The following TMEM114 variants were observed in gnomAD, a reference collection of about 807,000 sequenced individuals.
TMEM114 encodes claudin-26.
A neutral mutation model predicts 6.2 loss-of-function variants in TMEM114; 6 were observed. That is an observed-to-expected ratio of 0.97 (90% CI 0.53 to 1.91). TMEM114 has a LOEUF of 1.91. Among genes scored for constraint, TMEM114 ranks in the 40% most tolerant of loss-of-function variants. The pLI is 0.01. For synonymous variants in TMEM114, 104 were observed against 73.0 expected, an observed-to-expected ratio of 1.42 and a Z score of -2.16; for missense variants, 218 against 158.3, an observed-to-expected ratio of 1.38 and a Z score of -2.02.
At chr16:8,568,404 T>G (rs1428463043), downstream of TMEM114, among the ~76,000 whole-genome samples, 1 of 151,882 alleles carries the variant, frequency 6.6e-6, no homozygotes, top group Non-Finnish European at 1.5e-5. Flanking sequence ...ACAATGCTGA[T>G]GTCATGGTGG....
downstream of TMEM114, among the ~76,000 whole-genome samples, chr16:8,564,874 GGAGGGAGTGAATGAGT>G (rs1901477932): frequency 3.0e-5 from 1 of 33,156 alleles, no homozygotes; most frequent in Non-Finnish European, 5.8e-5. Flanking sequence ...AATGAGGGAG[GGAGGGAGTGAATGAGT>G]GAGTGAGTGA....
intron 2 of TMEM114, among the ~76,000 whole-genome samples, chr16:8,572,828 T>C (rs1331094393): frequency 6.6e-6 from 1 of 152,170 alleles, no homozygotes; most frequent in Non-Finnish European, 1.5e-5. Flanking sequence ...TAGGAAGAAC[T>C]TGGGATTGGG....
Position 8,589,958 on chromosome 16 carries a change from A to C in TMEM114, c.-120T>G, listed in dbSNP as rs1902434520. 4 of 386,818 alleles carry C rather than the reference A, an allele frequency of 1.0e-5. No individual in the cohort carries two copies. In the Admixed American group the frequency reaches 1.3e-4, roughly 13 times the overall value. The allele number at this position is 386,818 out of a possible 1,614,324, so 24.0% of individuals were successfully genotyped here. ...AGCTCCACCGCCGCCAGAGCCGCGG[A>C]GCTCAGATCTGAAAGCCTTTCCTTT... On this transcript the variant is annotated 5_prime_UTR_variant, in exon 1 of 4. Coordinates refer to ENST00000620492, the MANE Select transcript of TMEM114 (RefSeq NM_001146336.2).
At chr16:8,572,486 A>T (rs1008321046) in intron 2 of TMEM114, among the ~76,000 whole-genome samples, 1 of 152,198 alleles carries the variant, frequency 6.6e-6, no homozygotes, top group African/African-American at 2.4e-5. Context: ...CTCAGGCTGA[A>T]GTACAGTGGC....
downstream of TMEM114, among the ~76,000 whole-genome samples, chr16:8,536,452 G>C (rs148484340): frequency 5.8e-3 from 888 of 152,190 alleles, 13 homozygotes; most frequent in African/African-American, 0.019. Flanking sequence ...TTGAGTGAAG[G>C]CTTGTAACCT....
At chr16:8,562,168 ATGAGTGAATGAGTCAGTGAG>A (rs1239114545) in intron 2 of TMEM114, among the ~76,000 whole-genome samples, 16 of 145,570 alleles carry the variant, frequency 1.1e-4, no homozygotes, top group African/African-American at 2.1e-4. Context: ...GAGTTAGTGA[ATGAGTGAATGAGTCAGTGAG>A]TGAGTGAATG....
chr16:8,560,415 G>T (rs1901161542), intron 2 of TMEM114, among the ~76,000 whole-genome samples: 1 of 152,076 alleles, frequency 6.6e-6, no homozygotes, highest in African/African-American at 2.4e-5. Flanking sequence ...ATGAGCCTTG[G>T]AACTTGCCCT....
At chr16:8,564,829 TGGAG>T (rs1901473337), downstream of TMEM114, among the ~76,000 whole-genome samples, 2 of 70,744 alleles carry the variant, frequency 2.8e-5, no homozygotes, top group Non-Finnish European at 6.1e-5. Flanking sequence ...GAGTGAGTGA[TGGAG>T]GGAATGAGTG....
chr16:8,542,671 A>T (rs999926524), intron 2 of TMEM114, among the ~76,000 whole-genome samples: 5 of 152,164 alleles, frequency 3.3e-5, no homozygotes, highest in Non-Finnish European at 5.9e-5. Context: ...GTAAATAAGC[A>T]ACCTAGGTGC....
intron 2 of TMEM114, among the ~76,000 whole-genome samples, chr16:8,541,877 C>T (rs1049494166): frequency 6.6e-6 from 1 of 152,134 alleles, no homozygotes; most frequent in Non-Finnish European, 1.5e-5. Context: ...TCAAAGGGGT[C>T]TGGCTTACAA....
chr16:8,560,140 A>C (rs949960559), intron 2 of TMEM114, among the ~76,000 whole-genome samples: 30 of 151,762 alleles, frequency 2.0e-4, no homozygotes, highest in Non-Finnish European at 2.8e-4. Flanking sequence ...CTACAGGTGC[A>C]CACCACCATA....
At chr16:8,565,883 G>T (rs13334463), downstream of TMEM114, among the ~76,000 whole-genome samples, 2 of 151,968 alleles carry the variant, frequency 1.3e-5, no homozygotes, top group African/African-American at 4.8e-5. Context: ...GGACCCCCAC[G>T]TGATGCTAAT....
intron 2 of TMEM114, among the ~76,000 whole-genome samples, chr16:8,539,437 C>A (rs1900456454): frequency 6.6e-6 from 1 of 152,198 alleles, no homozygotes; most frequent in Admixed American, 6.5e-5. Context: ...CTCTCTCTGA[C>A]CCTCATCAGA....
At chr16:8,527,840 C>T in the TMEM114 span, among the ~76,000 whole-genome samples, 2 of 152,170 alleles carry the variant, frequency 1.3e-5, no homozygotes, top group Non-Finnish European at 1.5e-5. Flanking sequence ...GAGCTATTTG[C>T]AAGTTATTAT....
chr16:8,534,609 A>G (rs4450385), downstream of TMEM114, among the ~76,000 whole-genome samples: 110,196 of 151,808 alleles, frequency 0.73, 40,267 homozygotes, highest in Middle Eastern at 0.79. Context: ...GATAACACAC[A>G]CAAGTGCTTG....
Position 8,569,640 on chromosome 16 carries a change from T to A in TMEM114, c.*133A>T. The stretch of plus-strand genomic sequence containing the variant: ...GCCCCAAGCTTAGTCCGCGGGGATT[T>A]GTGGGGGAAGGAGGGGGGTGCCTGG... On this transcript the variant is annotated 3_prime_UTR_variant, in exon 4 of 4. Transcript: ENST00000620492. 1 of 1,438,922 alleles carries A rather than the reference T, an allele frequency of 6.9e-7. No homozygotes were observed. The highest frequency in any genetic ancestry group is 2.6e-4 in the Middle Eastern group (1 of 3,910). 89.1% of individuals were successfully genotyped at this position (1,438,922 alleles called of 1,614,324 possible). A position where few individuals can be genotyped will look rare whatever the true frequency, so the allele number is the denominator to read the frequency against.
At chr16:8,580,600 G>C (rs978932126) in intron 2 of TMEM114, among the ~76,000 whole-genome samples, 3 of 151,748 alleles carry the variant, frequency 2.0e-5, no homozygotes, top group Admixed American at 1.3e-4. Flanking sequence ...ATGACTCAGT[G>C]TGCATCTTCC....
downstream of TMEM114, among the ~76,000 whole-genome samples, chr16:8,569,232 A>G (rs1451599011): frequency 6.6e-5 from 10 of 152,168 alleles, no homozygotes; most frequent in Non-Finnish European, 1.5e-5. Flanking sequence ...TGCTCTATCA[A>G]TTGGCCAACC....
At chr16:8,562,689 G>GAATGAGTGAGTGAGT (rs1567202446) in intron 2 of TMEM114, among the ~76,000 whole-genome samples, 4 of 149,904 alleles carry the variant, frequency 2.7e-5, no homozygotes, top group South Asian at 4.2e-4. Flanking sequence ...AGTGAGTGAG[G>GAATGAGTGAGTGAGT]GAATGAGTGA....
Sources: gnomAD v4.1 joint callset for allele counts (sites outside exome capture counted in the v4.1 genomes callset) on GRCh38, gnomAD v4.1.1 for gene constraint, MANE v1.5 for transcripts, NCBI Gene and HGNC (gene_info 2026-07-23, HGNC 2026-07-21) for gene names.